PITPNM2: variants seen among roughly 807,000 people sequenced by gnomAD.
PITPNM2 encodes the protein membrane-associated phosphatidylinositol transfer protein 2.
A neutral mutation model predicts 132.2 loss-of-function variants in PITPNM2; 35 were observed. The ratio of observed to expected loss-of-function variants is 0.26; its 90% CI spans 0.20 to 0.35. The LOEUF is 0.35. PITPNM2 is among the 10% of genes least tolerant of loss of function. The pLI, the probability that PITPNM2 is intolerant of heterozygous loss-of-function variation, is 1.00. For synonymous variants in PITPNM2, 738 were observed against 799.2 expected, an observed-to-expected ratio of 0.92 and a Z score of 1.29; for missense variants, 1,332 against 1,912.0, an observed-to-expected ratio of 0.70 and a Z score of 5.66.
In PITPNM2 at chr12:122,986,628, C is replaced by A. The variant is rs779034419; in HGVS notation, c.3597+18G>T. On this transcript the variant is annotated intron_variant, in intron 24 of 25. Transcript: ENST00000320201. ...CTCTGCCCCCACCCCTGCCCTGCCCCATCCTCCCGGGCCCCACCTCGGAGA... is the reference window on the plus strand; with the variant it reads ...CTCTGCCCCCACCCCTGCCCTGCCCAATCCTCCCGGGCCCCACCTCGGAGA... 28 of 1,609,044 alleles carry A rather than the reference C, an allele frequency of 1.7e-5. No individual in the cohort carries two copies. Among genetic ancestry groups the A allele is most frequent in the Non-Finnish European group, 2.2e-5 (26 of 1,176,946 alleles).
intron 2 of PITPNM2, among the ~76,000 whole-genome samples, chr12:123,051,507 T>C (rs2040855924): frequency 1.3e-5 from 2 of 152,264 alleles, no homozygotes; most frequent in South Asian, 4.1e-4. Context: ...GCTTCATCAT[T>C]CTTTAGAGCT....
chr12:123,097,186 G>A lies in PITPNM2; in HGVS notation c.-96+13199C>T, dbSNP rs1172699366. On this transcript the variant is annotated intron_variant, in intron 2 of 25. Coordinates refer to ENST00000320201, the MANE Select transcript of PITPNM2 (RefSeq NM_020845.3). This position sits in a 1 kb window ranked among gnomAD's most constrained non-coding sequence, Gnocchi z 4.7. ...GCCTCCTGAGTAGCTGGGATTACAG[G>A]CGCCCACCACCACGCCCAGCTAATT... Among the ~76,000 whole-genome samples the A allele has an allele frequency of 6.6e-6, 1 of 152,106 alleles. No individual in the cohort carries two copies. Among genetic ancestry groups the A allele is most frequent in the African/African-American group, 2.4e-5 (1 of 41,430 alleles).
intron 2 of PITPNM2, among the ~76,000 whole-genome samples, chr12:123,059,792 A>T (rs2041172500): frequency 6.6e-6 from 1 of 152,170 alleles, no homozygotes; most frequent in African/African-American, 2.4e-5. Flanking sequence ...ATGCAGACAG[A>T]TGGTGGCCAG....
intron 2 of PITPNM2, among the ~76,000 whole-genome samples, chr12:123,104,910 A>T (rs2042666982): frequency 6.6e-6 from 1 of 152,006 alleles, no homozygotes; most frequent in Non-Finnish European, 1.5e-5. Context: ...CACAATTCGG[A>T]TCCTGACCCT....
chr12:123,079,933 T>TC (rs1352893373), intron 2 of PITPNM2, among the ~76,000 whole-genome samples: 1 of 152,150 alleles, frequency 6.6e-6, no homozygotes, highest in Non-Finnish European at 1.5e-5. Flanking sequence ...CAGTCCCCTC[T>TC]CCCCCAGCCC....
intron 23 of PITPNM2, 93 bp from the exon 24 acceptor site, chr12:122,986,922 A>G (rs2037960743): frequency 7.1e-7 from 1 of 1,400,494 alleles, no homozygotes; most frequent in South Asian, 1.4e-5. Context: ...GCCATTGGAA[A>G]GCACATCTCT....
intron 1 of PITPNM2, among the ~76,000 whole-genome samples, chr12:123,116,083 G>A (rs2042931884): frequency 6.6e-6 from 1 of 152,226 alleles, no homozygotes; most frequent in Non-Finnish European, 1.5e-5. Context: ...TGCCCTCGTG[G>A]AGTCCCCTCC....
chr12:123,026,953 A>G (rs1399465034), intron 3 of PITPNM2, among the ~76,000 whole-genome samples: 1 of 152,034 alleles, frequency 6.6e-6, no homozygotes, highest in Non-Finnish European at 1.5e-5. Context: ...AACAAATTAC[A>G]CCTTCAGAGG....
At chr12:123,042,726 C>G (rs1259418367) in intron 2 of PITPNM2, among the ~76,000 whole-genome samples, 1 of 152,168 alleles carries the variant, frequency 6.6e-6, no homozygotes, top group East Asian at 1.9e-4. Context: ...GCTTCCCAAA[C>G]CTACTGGTTC....
chr12:123,036,805 G>T lies in PITPNM2; in HGVS notation c.-95-2120C>A, dbSNP rs1018686618. ...CTTGCCCTGTTCCCCTCCTTGGGGT[G>T]GCCCCAGGCCCTGCTATATCCATAA... On this transcript the variant is annotated intron_variant, in intron 2 of 25. Coordinates refer to ENST00000320201, the MANE Select transcript of PITPNM2 (RefSeq NM_020845.3). This position sits in a 1 kb window ranked among gnomAD's most constrained non-coding sequence, Gnocchi z 4.1. 6.6e-6 allele frequency among the ~76,000 whole-genome samples: 1 copy of T among 152,148 alleles called. No homozygotes were observed. The highest frequency in any genetic ancestry group is 1.5e-5 in the Non-Finnish European group (1 of 68,022).
intron 3 of PITPNM2, among the ~76,000 whole-genome samples, chr12:123,018,034 T>TCCTCCCTC (rs1196290965): frequency 1.9e-5 from 2 of 106,604 alleles, no homozygotes; most frequent in Non-Finnish European, 3.8e-5. Context: ...CTTCCTTCCT[T>TCCTCCCTC]CCTCCCTCCC....
chr12:122,988,633 G>A (rs757147015), intron 19 of PITPNM2, 91 bp downstream of exon 19: 19 of 1,332,446 alleles, frequency 1.4e-5, no homozygotes, highest in Non-Finnish European at 1.9e-5. Flanking sequence ...GGTTGGAGAG[G>A]AGTCCCCACT....
At chr12:123,012,516 G>A in intron 5 of PITPNM2, 97 bp downstream of exon 5, 6 of 1,476,850 alleles carry the variant, frequency 4.1e-6, no homozygotes, top group Non-Finnish European at 5.6e-6. Flanking sequence ...GCCAGGTCTG[G>A]AGTCTACCAG....
chr12:123,097,357 T>C lies in PITPNM2; in HGVS notation c.-96+13028A>G, dbSNP rs1399843002. On this transcript the variant is annotated intron_variant, in intron 2 of 25. Coordinates refer to ENST00000320201, the MANE Select transcript of PITPNM2 (RefSeq NM_020845.3). This position sits in a 1 kb window ranked among gnomAD's most constrained non-coding sequence, Gnocchi z 4.7. ...CGCGCCCGGCCTGCCATCTCCCTTT[T>C]ATTAGTGATTGCAAAGTGCTAAGGG... Among the ~76,000 whole-genome samples, 1 of 152,168 alleles carries C rather than the reference T, an allele frequency of 6.6e-6. No individual in the cohort carries two copies. The highest frequency in any genetic ancestry group is 2.4e-5 in the African/African-American group (1 of 41,440).
intron 6 of PITPNM2, among the ~76,000 whole-genome samples, chr12:123,007,990 C>T (rs533565205): frequency 6.6e-6 from 1 of 152,350 alleles, no homozygotes; most frequent in South Asian, 2.1e-4. Context: ...ATGTGCCACA[C>T]CCCATCTTCA....
intron 1 of PITPNM2, among the ~76,000 whole-genome samples, chr12:123,144,967 G>C (rs1001752565): frequency 2.0e-5 from 3 of 152,176 alleles, no homozygotes; most frequent in African/African-American, 7.2e-5. Context: ...TTTTCCCTAG[G>C]AGCAGTGGTT....
chr12:123,017,970 C>T (rs572461860), intron 3 of PITPNM2, among the ~76,000 whole-genome samples: 87 of 148,428 alleles, frequency 5.9e-4, no homozygotes, highest in African/African-American at 1.9e-3. Context: ...TTTCTTTCTT[C>T]CCTTTCTCTC....
chr12:123,069,268 A>C (rs2041548177), intron 2 of PITPNM2, among the ~76,000 whole-genome samples: 1 of 151,958 alleles, frequency 6.6e-6, no homozygotes. Context: ...AAAAGGAAAA[A>C]AATGCAGATT....
chr12:123,001,970 G>T (rs1280865023), intron 8 of PITPNM2, among the ~76,000 whole-genome samples: 2 of 151,734 alleles, frequency 1.3e-5, no homozygotes, highest in Non-Finnish European at 2.9e-5. Flanking sequence ...GGCGGAGGTT[G>T]CAGCGAGCTG....
Sources: allele counts gnomAD v4.1 joint callset (sites outside exome capture counted in the v4.1 genomes callset), GRCh38; gene constraint gnomAD v4.1.1; non-coding constraint Gnocchi (gnomAD v3.1); transcripts MANE v1.5; gene names NCBI Gene and HGNC (gene_info 2026-07-23, HGNC 2026-07-21).